JAK2: variants seen among roughly 807,000 people sequenced by gnomAD.
JAK2 encodes the protein Janus kinase 2.
JAK2 carries 86 observed loss-of-function variants against 139.3 expected under a neutral mutation model. The observed-to-expected ratio is 0.62, with a 90% CI of 0.52 to 0.74. JAK2 has a LOEUF of 0.74. Among genes scored for constraint, JAK2 ranks in the 30% least tolerant of loss-of-function variants. The pLI is 0.00. For synonymous variants in JAK2, 490 were observed against 437.7 expected, an observed-to-expected ratio of 1.12 and a Z score of -1.49; for missense variants, 1,421 against 1,360.3, an observed-to-expected ratio of 1.04 and a Z score of -0.70.
intron 2 of JAK2, among the ~76,000 whole-genome samples, chr9:4,990,936 A>G (rs1300562010): frequency 6.6e-6 from 1 of 152,106 alleles, no homozygotes; most frequent in Non-Finnish European, 1.5e-5. Flanking sequence ...AACCTAGGAG[A>G]TATTTTTCAA....
chr9:5,023,233 C>A (rs1272606365), intron 3 of JAK2, among the ~76,000 whole-genome samples: 2 of 152,312 alleles, frequency 1.3e-5, no homozygotes, highest in African/African-American at 4.8e-5. Flanking sequence ...TTTTAGCTCC[C>A]ACATATGAAT....
At chr9:5,028,393 C>T (rs1196064489) in intron 3 of JAK2, among the ~76,000 whole-genome samples, 1 of 152,124 alleles carries the variant, frequency 6.6e-6, no homozygotes, top group Admixed American at 6.6e-5. Context: ...GCTTTGTTGT[C>T]CCATTTATAG....
At chr9:5,010,121 C>T (rs1226003415) in intron 2 of JAK2, among the ~76,000 whole-genome samples, 1 of 152,116 alleles carries the variant, frequency 6.6e-6, no homozygotes, top group East Asian at 1.9e-4. Flanking sequence ...CATTCTAGTC[C>T]TATCTACTTT....
intron 22 of JAK2, among the ~76,000 whole-genome samples, chr9:5,118,857 G>T (rs777824284): frequency 6.6e-6 from 1 of 152,222 alleles, no homozygotes. Flanking sequence ...TAAAAGCAGA[G>T]AATTAAAACC....
intron 2 of JAK2, among the ~76,000 whole-genome samples, chr9:4,991,726 C>T (rs1365566374): frequency 3.4e-5 from 4 of 119,056 alleles, no homozygotes; most frequent in Non-Finnish European, 4.9e-5. Flanking sequence ...TCTCTAATTC[C>T]TGTACACCAG....
At chr9:5,079,181 G>C (rs776254932) in intron 16 of JAK2, among the ~76,000 whole-genome samples, 1 of 152,154 alleles carries the variant, frequency 6.6e-6, no homozygotes, top group Non-Finnish European at 1.5e-5. Context: ...AATTCTTACA[G>C]GGTCTTACAT....
At chr9:5,046,630 A>G (rs1472861125) in intron 5 of JAK2, among the ~76,000 whole-genome samples, 2 of 152,166 alleles carry the variant, frequency 1.3e-5, no homozygotes, top group Admixed American at 6.5e-5. Flanking sequence ...CAGTTTTCCT[A>G]GCACCATTTG....
At chr9:5,068,970 G>T in intron 10 of JAK2, 52 bp from the exon 11 acceptor site, 1 of 1,005,382 alleles carries the variant, frequency 9.9e-7, no homozygotes, top group South Asian at 1.7e-5. Flanking sequence ...AATAATCACT[G>T]TGATGTCCAT....
chr9:5,126,303 C>A, intron 23 of JAK2, 30 bp from the exon 24 acceptor site: 3 of 1,477,996 alleles, frequency 2.0e-6, no homozygotes, highest in South Asian at 1.2e-5. Flanking sequence ...ATTAAATGTA[C>A]AAAAAATATT....
chr9:5,046,801 A>G (rs1169089155), intron 5 of JAK2, among the ~76,000 whole-genome samples: 1 of 128,274 alleles, frequency 7.8e-6, no homozygotes, highest in Non-Finnish European at 1.5e-5. Flanking sequence ...TGAAAACAGG[A>G]TATTATGAGG....
Position 5,044,465 on chromosome 9 carries a change from G to A in JAK2, c.413G>A (p.Arg138Gln), listed in dbSNP as rs777208458. The A allele has an allele frequency of 2.5e-6, 4 of 1,613,040 alleles. No individual in the cohort carries two copies. The highest frequency in any genetic ancestry group is 1.1e-5 in the South Asian group (1 of 90,944). Residue 138 changes from arginine (R) to glutamine (Q), a missense_variant, in exon 5 of 25, where the codon CGA becomes CAA. Physicochemically the swap from Arg to Gln is conservative, Grantham distance 43. Transcript: ENST00000381652. ...SNRAYRHGIS[R>Q]GAEAPLLDDF... ...AGAGCCTATCGGCATGGAATATCTC[G>A]AGGTGCTGAAGCTCCTCTTCTTGAT...
intron 22 of JAK2, chr9:5,108,014 G>A (rs562057120): frequency 6.6e-6 from 1 of 152,100 alleles, no homozygotes; most frequent in South Asian, 2.1e-4. Flanking sequence ...ACCATCCACA[G>A]CCTACTTATC....
intron 22 of JAK2, among the ~76,000 whole-genome samples, chr9:5,105,839 C>G (rs1196032999): frequency 1.3e-5 from 2 of 152,150 alleles, no homozygotes; most frequent in African/African-American, 4.8e-5. Context: ...ATAAATGGTG[C>G]TGGGAAAACT....
At chr9:5,105,949 C>T (rs940815810) in intron 22 of JAK2, among the ~76,000 whole-genome samples, 1 of 152,154 alleles carries the variant, frequency 6.6e-6, no homozygotes, top group Non-Finnish European at 1.5e-5. Context: ...AGACTTAAAA[C>T]CATAAAAGCC....
At chr9:5,084,304 T>G (rs1431436501) in intron 19 of JAK2, among the ~76,000 whole-genome samples, 1 of 152,164 alleles carries the variant, frequency 6.6e-6, no homozygotes, top group Non-Finnish European at 1.5e-5. Context: ...TTTGTTTGTT[T>G]GAAGTAATTG....
At chr9:5,031,547 T>G (rs1823148128) in intron 4 of JAK2, among the ~76,000 whole-genome samples, 1 of 152,198 alleles carries the variant, frequency 6.6e-6, no homozygotes, top group African/African-American at 2.4e-5. Flanking sequence ...TACTTTATAA[T>G]GTATATCAGA....
intron 2 of JAK2, among the ~76,000 whole-genome samples, chr9:5,001,150 A>G (rs1820904271): frequency 6.6e-6 from 1 of 152,176 alleles, no homozygotes; most frequent in Non-Finnish European, 1.5e-5. Flanking sequence ...TGCAAATAAA[A>G]AGTTTTATTT....
chr9:5,041,642 C>G (rs1279847333), intron 4 of JAK2: 1 of 502,098 alleles, frequency 2.0e-6, no homozygotes, highest in Non-Finnish European at 4.0e-6. Context: ...TTGAGAAGCT[C>G]GACTACGACT....
intron 2 of JAK2, among the ~76,000 whole-genome samples, chr9:5,005,980 CT>C (rs1563920704): frequency 1.3e-5 from 2 of 152,120 alleles, no homozygotes; most frequent in African/African-American, 2.4e-5. Flanking sequence ...GATGCAGGCT[CT>C]TTTTTGGTTC....
Sources: allele counts gnomAD v4.1 joint callset (sites outside exome capture counted in the v4.1 genomes callset), GRCh38; gene constraint gnomAD v4.1.1; transcripts MANE v1.5; gene names NCBI Gene and HGNC (gene_info 2026-07-23, HGNC 2026-07-21).